The following CAMKMT variants were observed in gnomAD, a reference collection of about 807,000 sequenced individuals.
The protein encoded by CAMKMT is CaM KMT.
CAMKMT carries 53 observed loss-of-function variants against 48.0 expected under a neutral mutation model. That is an observed-to-expected ratio of 1.10 (90% CI 0.89 to 1.39). The LOEUF (loss-of-function observed/expected upper bound fraction) is 1.39, where lower values mean the gene tolerates loss of function less well. CAMKMT is among the 40% of genes most tolerant of loss of function. CAMKMT has a pLI of 0.00. For synonymous variants in CAMKMT, 165 were observed against 152.3 expected (o/e 1.08, Z -0.61); for missense variants, 428 against 402.7 (o/e 1.06, Z -0.54).
intron 3 of CAMKMT, among the ~76,000 whole-genome samples, chr2:44,566,323 G>C (rs1668612189): frequency 1.3e-5 from 2 of 152,152 alleles, no homozygotes; most frequent in African/African-American, 2.4e-5. Flanking sequence ...TAAAGAAAAA[G>C]AGCTATTGTT....
chr2:44,587,065 C>A (rs1389931159), intron 3 of CAMKMT, among the ~76,000 whole-genome samples: 1 of 152,146 alleles, frequency 6.6e-6, no homozygotes, highest in Non-Finnish European at 1.5e-5. Context: ...TATTTGTCAT[C>A]TATGTATCTT....
chr2:44,660,618 TTTTG>T (rs1263334445), intron 3 of CAMKMT, among the ~76,000 whole-genome samples: 6 of 152,226 alleles, frequency 3.9e-5, no homozygotes, highest in Non-Finnish European at 8.8e-5. Flanking sequence ...CAATATATTT[TTTTG>T]TTTGTTTGTT....
intron 2 of CAMKMT, among the ~76,000 whole-genome samples, chr2:44,378,704 G>A (rs183790019): frequency 6.6e-6 from 1 of 152,232 alleles, no homozygotes; most frequent in East Asian, 1.9e-4. Context: ...ATGTTGGCCA[G>A]GATGGTCTCG....
intron 3 of CAMKMT, among the ~76,000 whole-genome samples, chr2:44,452,875 C>T (rs1222815882): frequency 6.6e-6 from 1 of 151,824 alleles, no homozygotes; most frequent in Non-Finnish European, 1.5e-5. Flanking sequence ...TATTGGATGC[C>T]TTTGGGGTTG....
intron 3 of CAMKMT, among the ~76,000 whole-genome samples, chr2:44,509,420 C>T (rs570155830): frequency 6.6e-6 from 1 of 152,094 alleles, no homozygotes; most frequent in South Asian, 2.1e-4. Flanking sequence ...AGTGATCTTC[C>T]CACCTCAGCC....
intron 1 of CAMKMT, among the ~76,000 whole-genome samples, chr2:44,366,318 C>A (rs1302740153): frequency 6.6e-6 from 1 of 152,224 alleles, no homozygotes; most frequent in Non-Finnish European, 1.5e-5. Flanking sequence ...GCATCTAAGT[C>A]TTGATCCAGT....
intron 7 of CAMKMT, among the ~76,000 whole-genome samples, chr2:44,742,892 C>G (rs1369536930): frequency 6.6e-6 from 1 of 152,118 alleles, no homozygotes; most frequent in Non-Finnish European, 1.5e-5. Flanking sequence ...CTGTAAATCA[C>G]AGTTTTGGTG....
intron 3 of CAMKMT, among the ~76,000 whole-genome samples, chr2:44,597,699 A>G (rs1331232288): frequency 3.9e-5 from 6 of 152,186 alleles, no homozygotes; most frequent in Non-Finnish European, 5.9e-5. Flanking sequence ...CAATTGTGGT[A>G]TAGTAACATA....
chr2:44,433,488 C>T (rs1051598497), intron 3 of CAMKMT, among the ~76,000 whole-genome samples: 29 of 151,632 alleles, frequency 1.9e-4, no homozygotes, highest in African/African-American at 7.0e-4. Flanking sequence ...TGTTTTGTAG[C>T]CAGAATGTTT....
intron 3 of CAMKMT, among the ~76,000 whole-genome samples, chr2:44,468,218 C>T (rs762103158): frequency 6.6e-6 from 1 of 152,112 alleles, no homozygotes; most frequent in Non-Finnish European, 1.5e-5. Context: ...CAGCAGAAGT[C>T]ATATTAAAGG....
intron 3 of CAMKMT, among the ~76,000 whole-genome samples, chr2:44,513,449 C>G (rs891605598): frequency 1.2e-4 from 18 of 152,176 alleles, no homozygotes; most frequent in Non-Finnish European, 2.4e-4. Flanking sequence ...AGGATAGTGT[C>G]TGATATACCT....
At chr2:44,534,170 A>G (rs759542717) in intron 3 of CAMKMT, among the ~76,000 whole-genome samples, 16 of 152,348 alleles carry the variant, frequency 1.1e-4, no homozygotes, top group Middle Eastern at 3.4e-3. Flanking sequence ...GCAAGAGGAT[A>G]TAACAATTCT....
In CAMKMT at chr2:44,389,421, T is replaced by G. The variant is rs1450405743; in HGVS notation, c.312-820T>G. ...TCTATATATCACTTATGACAAGTTTTAAATGACAAAGTGAATGTTGAAGTA... is the reference window on the plus strand; with the variant it reads ...TCTATATATCACTTATGACAAGTTTGAAATGACAAAGTGAATGTTGAAGTA... On this transcript the variant is annotated intron_variant, in intron 2 of 10. Transcript: ENST00000378494. Among the ~76,000 whole-genome samples the G allele has an allele frequency of 2.0e-5, 3 of 152,194 alleles. No individual in the cohort carries two copies. In the East Asian group the frequency reaches 5.8e-4, roughly 29 times the overall value.
At chr2:44,494,103 A>G (rs998566556) in intron 3 of CAMKMT, among the ~76,000 whole-genome samples, 1 of 152,212 alleles carries the variant, frequency 6.6e-6, no homozygotes, top group South Asian at 2.1e-4. Context: ...TTGCCTGTGC[A>G]TTTGGAAATA....
At chr2:44,509,089 C>G (rs1418847194) in intron 3 of CAMKMT, among the ~76,000 whole-genome samples, 1 of 95,824 alleles carries the variant, frequency 1.0e-5, no homozygotes, top group East Asian at 2.9e-4. Context: ...GACCCAGACC[C>G]CATGTCAAAA....
At chr2:44,491,361 AT>A (rs1460486359) in intron 3 of CAMKMT, among the ~76,000 whole-genome samples, 5 of 152,126 alleles carry the variant, frequency 3.3e-5, no homozygotes, top group Non-Finnish European at 7.4e-5. Context: ...TAATTATCAT[AT>A]GTGCCTAAAA....
At chr2:44,732,699 G>A (rs1408469155) in intron 7 of CAMKMT, among the ~76,000 whole-genome samples, 2 of 152,050 alleles carry the variant, frequency 1.3e-5, no homozygotes, top group African/African-American at 2.4e-5. Context: ...GTACTTATTT[G>A]CCATTCACGT....
intron 3 of CAMKMT, among the ~76,000 whole-genome samples, chr2:44,693,410 T>TG (rs1186126089): frequency 3.9e-5 from 6 of 152,228 alleles, no homozygotes; most frequent in Non-Finnish European, 5.9e-5. Context: ...AGAGTTCCAC[T>TG]GACCTTATTT....
chr2:44,653,908 C>T lies in CAMKMT; in HGVS notation c.377-50375C>T, dbSNP rs895127830. Among the ~76,000 whole-genome samples the T allele has an allele frequency of 2.8e-4, 42 of 152,142 alleles. No homozygotes were observed. The highest frequency in any genetic ancestry group is 2.8e-3 in the Admixed American group (42 of 15,258). On this transcript the variant is annotated intron_variant, in intron 3 of 10. Transcript: ENST00000378494. The surrounding 1 kb of genome is among the most constrained non-coding windows in gnomAD (Gnocchi z 5.2). ...AAACTGTCACATTTTAGCCTAAAGA[C>T]TAGGAGTATTTTTCAGTTCCAGTAT... is the stretch of plus-strand genomic sequence containing the variant.
Sources: gnomAD v4.1 joint callset for allele counts (sites outside exome capture counted in the v4.1 genomes callset) on GRCh38, gnomAD v4.1.1 for gene constraint, Gnocchi (gnomAD v3.1) non-coding constraint, MANE v1.5 for transcripts, NCBI Gene and HGNC (gene_info 2026-07-23, HGNC 2026-07-21) for gene names.